Variants in BCOR observed in about 807,000 individuals in gnomAD.
The protein encoded by BCOR is BCL6 corepressor, also known as BCL-6 corepressor.
Under a neutral mutation model 86.7 loss-of-function variants are expected in BCOR, and 10 were observed. The observed-to-expected ratio is 0.12, with a 90% CI of 0.07 to 0.20. The LOEUF is 0.20. Ranked by LOEUF, BCOR falls within the 10% of genes least tolerant of loss-of-function variation. The pLI is 1.00. For missense variants in BCOR, 1,259 were observed against 1,452.1 expected, an observed-to-expected ratio of 0.87 and a Z score of 2.16; for synonymous variants, 611 against 609.0, an observed-to-expected ratio of 1.00 and a Z score of -0.05.
chrX:40,113,125 G>A (rs1937337407), intron 1 of BCOR, among the ~76,000 whole-genome samples: 1 of 107,818 alleles, frequency 9.3e-6, no homozygotes, highest in African/African-American at 3.4e-5. Context: ...CAATCTCTGT[G>A]CTGCCACTTT....
At chrX:40,172,002 G>GCC (rs1467064758) in intron 1 of BCOR, among the ~76,000 whole-genome samples, 1 of 112,921 alleles carries the variant, frequency 8.9e-6, no homozygotes, top group Non-Finnish European at 1.9e-5. Flanking sequence ...GGCCAGCCTG[G>GCC]CCCCCTCTGG....
At chrX:40,075,341 C>T (rs1002007227) in intron 3 of BCOR, among the ~76,000 whole-genome samples, 161 bp from the exon 4 acceptor site, 2 of 110,851 alleles carry the variant, frequency 1.8e-5, no homozygotes, top group Non-Finnish European at 3.8e-5. Flanking sequence ...TCTGTTTCCC[C>T]ACCCCCTTAT....
At chrX:40,131,662 A>G (rs923338501) in intron 1 of BCOR, among the ~76,000 whole-genome samples, 3 of 111,178 alleles carry the variant, frequency 2.7e-5, no homozygotes, top group African/African-American at 6.6e-5. Context: ...AGAGAAGAGA[A>G]GAGAAGAGGA....
At chrX:40,109,149 G>GCGCTCCTTCCC (rs1937250507) in intron 1 of BCOR, among the ~76,000 whole-genome samples, 4 of 112,206 alleles carry the variant, frequency 3.6e-5, no homozygotes, top group Non-Finnish European at 5.7e-5. Context: ...CGCGCCAAGA[G>GCGCTCCTTCCC]GCCCGGAGCC....
intron 1 of BCOR, among the ~76,000 whole-genome samples, chrX:40,149,148 C>G (rs1938120418): frequency 9.2e-6 from 1 of 108,685 alleles, no homozygotes; most frequent in East Asian, 2.9e-4. Flanking sequence ...GATCTCGTAT[C>G]CTCTGCTCTG....
chrX:40,124,233 C>G (rs1052258747), intron 1 of BCOR, among the ~76,000 whole-genome samples: 1 of 110,768 alleles, frequency 9.0e-6, no homozygotes, highest in African/African-American at 3.3e-5. Flanking sequence ...CAAGAGTTCA[C>G]AACCAGCCTG....
intron 1 of BCOR, among the ~76,000 whole-genome samples, chrX:40,136,704 T>C (rs994724677): frequency 3.6e-5 from 4 of 112,245 alleles, no homozygotes; most frequent in Non-Finnish European, 5.6e-5. Context: ...ATGTGCAAAA[T>C]AGATGTCTAT....
At chrX:40,153,340 GA>G (rs1386286340) in intron 1 of BCOR, among the ~76,000 whole-genome samples, 1 of 112,613 alleles carries the variant, frequency 8.9e-6, no homozygotes, top group East Asian at 2.8e-4. Flanking sequence ...GAGGGTGGGG[GA>G]CAGCTGAAAT....
chrX:40,072,270 C>T, intron 4 of BCOR, 79 bp downstream of exon 4: 1 of 1,049,863 alleles, frequency 9.5e-7, no homozygotes, highest in Non-Finnish European at 1.3e-6. Context: ...CCCTGCCCTA[C>T]CATACTCCCC....
chrX:40,113,479 C>T (rs920371323), intron 1 of BCOR, among the ~76,000 whole-genome samples: 5 of 110,785 alleles, frequency 4.5e-5, no homozygotes, highest in East Asian at 2.8e-4. Context: ...ATCTAAATGC[C>T]TTAACAAGGC....
At chrX:40,081,378 T>C (rs1455142915) in intron 1 of BCOR, among the ~76,000 whole-genome samples, 1 of 112,067 alleles carries the variant, frequency 8.9e-6, no homozygotes, top group Non-Finnish European at 1.9e-5. Flanking sequence ...AAAAAGAGAC[T>C]GGGAGGCAAA....
At chrX:40,092,998 T>A (rs1013875432) in intron 1 of BCOR, among the ~76,000 whole-genome samples, 1 of 112,415 alleles carries the variant, frequency 8.9e-6, no homozygotes, top group Non-Finnish European at 1.9e-5. Context: ...TGCATATGAA[T>A]GCTTTTTGTG....
chrX:40,061,639 C>T (rs938424504), intron 10 of BCOR, among the ~76,000 whole-genome samples: 1 of 103,109 alleles, frequency 9.7e-6, no homozygotes, highest in African/African-American at 3.6e-5. Context: ...CTGTACCCCC[C>T]CACTCAGAAA....
Position 40,075,091 on chromosome X carries a change from C to T in BCOR, c.255G>A (p.Pro85=), listed in dbSNP as rs763458469. Residue 85 remains proline (P), a synonymous_variant, in exon 4 of 15, where the codon CCG becomes CCA. Coordinates refer to ENST00000378444, the MANE Select transcript of BCOR (RefSeq NM_001123385.2). The stretch of plus-strand genomic sequence containing the variant: ...ACAAGCTAGAATAGACGATGTTTCC[C>T]GGGACCCGCAGCCCTTCCCGGATCA... ...TGLIREGLRV[P]GNIVYSSLCG... The T allele has an allele frequency of 1.2e-5, 14 of 1,205,951 alleles. No homozygotes were observed. Among genetic ancestry groups the T allele is most frequent in the African/African-American group, 7.1e-5 (4 of 56,657 alleles).
intron 1 of BCOR, among the ~76,000 whole-genome samples, chrX:40,090,674 C>A (rs1936569333): frequency 8.9e-6 from 1 of 112,634 alleles, no homozygotes; most frequent in Admixed American, 9.3e-5. Flanking sequence ...ACAGCGCCAA[C>A]GGTCCTGGCC....
rs1934291360 is a variant in BCOR, at chrX:40,051,281, T to C, written c.*828A>G. ...TCCTTTCCTCAACAGTTTTATTGCC[T>C]TTTAAGAAAATTTTTGTAAAATATA... is the stretch of plus-strand genomic sequence containing the variant. On this transcript the variant is annotated 3_prime_UTR_variant, in exon 15 of 15. Coordinates refer to ENST00000378444, the MANE Select transcript of BCOR (RefSeq NM_001123385.2). 2 of 165,557 alleles carry C rather than the reference T, an allele frequency of 1.2e-5. No homozygotes were observed. The highest frequency in any genetic ancestry group is 5.9e-5 in the African/African-American group (2 of 33,619). The allele number at this position is 165,557 out of a possible 1,213,427, so 13.6% of individuals were successfully genotyped here. A position where few individuals can be genotyped will look rare whatever the true frequency, so the allele number is the denominator to read the frequency against.
At chrX:40,086,993 G>A (rs920283727) in intron 1 of BCOR, among the ~76,000 whole-genome samples, 4 of 113,652 alleles carry the variant, frequency 3.5e-5, no homozygotes, top group African/African-American at 9.6e-5. Flanking sequence ...AGAGATTTCC[G>A]TGTGGCTCAT....
intron 1 of BCOR, among the ~76,000 whole-genome samples, chrX:40,085,971 A>G (rs1431481342): frequency 2.7e-5 from 3 of 111,961 alleles, no homozygotes; most frequent in Non-Finnish European, 5.6e-5. Context: ...GTGGGCATCT[A>G]GTTGATGAAG....
intron 10 of BCOR, among the ~76,000 whole-genome samples, chrX:40,058,927 G>A (rs1160827803): frequency 4.5e-5 from 5 of 112,103 alleles, no homozygotes; most frequent in Admixed American, 9.4e-5. Context: ...ACCCAGCCAG[G>A]GAGAGGCCCT....
Sources: gnomAD v4.1 joint callset for allele counts (sites outside exome capture counted in the v4.1 genomes callset) on GRCh38, gnomAD v4.1.1 for gene constraint, MANE v1.5 for transcripts, NCBI Gene and HGNC (gene_info 2026-07-23, HGNC 2026-07-21) for gene names.